PHKB: variants seen among roughly 807,000 people sequenced by gnomAD.
The protein encoded by PHKB is phosphorylase kinase regulatory subunit beta, also known as phosphorylase b kinase regulatory subunit beta.
PHKB carries 122 observed loss-of-function variants against 152.1 expected under a neutral mutation model. That is an observed-to-expected ratio of 0.80 (90% CI 0.69 to 0.93). The LOEUF (loss-of-function observed/expected upper bound fraction) is 0.93, where lower values mean the gene tolerates loss of function less well. Among genes scored for constraint, PHKB ranks in the 40% least tolerant of loss-of-function variants. PHKB has a pLI of 0.00. For missense variants in PHKB, 1,304 were observed against 1,328.4 expected (o/e 0.98, Z 0.29); for synonymous variants, 436 against 464.9 (o/e 0.94, Z 0.80).
At chr16:47,475,701 G>A (rs1325321123) in intron 1 of PHKB, among the ~76,000 whole-genome samples, 2 of 152,082 alleles carry the variant, frequency 1.3e-5, no homozygotes, top group Non-Finnish European at 2.9e-5. Context: ...TTAAAAATAT[G>A]TCGTATTTTT....
chr16:47,549,163 A>G (rs1281502737), intron 7 of PHKB, among the ~76,000 whole-genome samples: 2 of 152,242 alleles, frequency 1.3e-5, no homozygotes, highest in African/African-American at 4.8e-5. Flanking sequence ...CTAAAATTAA[A>G]TAGATGATGT....
intron 29 of PHKB, among the ~76,000 whole-genome samples, chr16:47,697,773 T>G (rs1254412584): frequency 6.6e-6 from 1 of 152,236 alleles, no homozygotes; most frequent in Admixed American, 6.5e-5. Context: ...TATTTTTGCT[T>G]ATAGGAATTT....
At chr16:47,610,182 T>TC (rs1972400866) in intron 13 of PHKB, among the ~76,000 whole-genome samples, 1 of 145,172 alleles carries the variant, frequency 6.9e-6, no homozygotes, top group Admixed American at 6.9e-5. Context: ...TTTTTTTTTT[T>TC]GTATTTTTAG....
chr16:47,629,516 A>G (rs1972781974), intron 14 of PHKB, among the ~76,000 whole-genome samples: 1 of 151,732 alleles, frequency 6.6e-6, no homozygotes, highest in South Asian at 2.1e-4. Context: ...TTAAAAAGTC[A>G]GGAAACAACA....
chr16:47,511,847 C>A, intron 5 of PHKB, 75 bp downstream of exon 5: 1 of 990,840 alleles, frequency 1.0e-6, no homozygotes, highest in Non-Finnish European at 1.6e-6. Context: ...TTTTTGGCAC[C>A]AGGGACTAGT....
At chr16:47,607,597 G>C (rs1972349629) in intron 13 of PHKB, among the ~76,000 whole-genome samples, 1 of 152,034 alleles carries the variant, frequency 6.6e-6, no homozygotes, top group Non-Finnish European at 1.5e-5. Context: ...ATGAACATTT[G>C]GGTTGTTTGC....
At chr16:47,697,884 C>G (rs2142112130) in intron 29 of PHKB, among the ~76,000 whole-genome samples, 1 of 152,292 alleles carries the variant, frequency 6.6e-6, no homozygotes, top group South Asian at 2.1e-4. Flanking sequence ...CCAAATAGGA[C>G]TTTTGTCACA....
chr16:47,599,754 A>G (rs576619269), intron 13 of PHKB, among the ~76,000 whole-genome samples: 1 of 152,338 alleles, frequency 6.6e-6, no homozygotes, highest in East Asian at 1.9e-4. Flanking sequence ...AACCACATAC[A>G]TATCTCCAGC....
intron 6 of PHKB, among the ~76,000 whole-genome samples, chr16:47,522,598 C>T (rs1297377933): frequency 6.8e-6 from 1 of 146,510 alleles, no homozygotes; most frequent in Non-Finnish European, 1.5e-5. Flanking sequence ...TCATTTTTCT[C>T]TTATTTTTTC....
intron 7 of PHKB, chr16:47,565,464 C>T: frequency 7.2e-7 from 1 of 1,397,112 alleles, no homozygotes. Context: ...TTCACTTCAC[C>T]CAAGCATTCT....
chr16:47,645,695 G>A (rs1266234825), intron 16 of PHKB, among the ~76,000 whole-genome samples: 6 of 151,666 alleles, frequency 4.0e-5, no homozygotes, highest in Admixed American at 6.6e-5. Context: ...TTGGCGATGC[G>A]GGCTCTTTCA....
At position 47,499,876 on chromosome 16, in the gene PHKB, C is replaced by A; in HGVS notation, c.287C>A (p.Ala96Asp). 1 of 1,614,118 alleles carries A rather than the reference C, an allele frequency of 6.2e-7. No homozygotes were observed. The change falls in exon 3 of 31, where the codon GCT becomes GAT. Residue 96 changes from alanine to aspartate, a missense_variant. Physicochemically the swap from Ala to Asp is moderately radical, Grantham distance 126. Coordinates refer to ENST00000323584, the MANE Select transcript of PHKB (RefSeq NM_000293.3). ...DSLYCAAGAWALALAYRRIDD... is the reference protein window; with the variant it reads ...DSLYCAAGAWDLALAYRRIDD... The stretch of plus-strand genomic sequence containing the variant: ...CTATACTGCGCTGCTGGGGCCTGGG[C>A]TTTGGCTCTTGCATACAGGTGAGCT...
intron 6 of PHKB, among the ~76,000 whole-genome samples, chr16:47,526,819 T>C (rs1970776830): frequency 6.6e-6 from 1 of 152,176 alleles, no homozygotes; most frequent in Non-Finnish European, 1.5e-5. Flanking sequence ...TATAAAGAAA[T>C]ACCTGAGACT....
intron 16 of PHKB, among the ~76,000 whole-genome samples, chr16:47,642,669 A>G (rs909283202): frequency 1.3e-5 from 2 of 152,170 alleles, no homozygotes; most frequent in Non-Finnish European, 2.9e-5. Flanking sequence ...TTACATGGGA[A>G]AATGCAGGAC....
intron 16 of PHKB, among the ~76,000 whole-genome samples, chr16:47,647,210 G>T (rs932471280): frequency 2.0e-5 from 3 of 152,066 alleles, no homozygotes; most frequent in African/African-American, 7.2e-5. Flanking sequence ...TGCAACCTCT[G>T]CTTCCTGGGT....
chr16:47,533,526 C>T (rs1970898762), intron 6 of PHKB, among the ~76,000 whole-genome samples: 1 of 152,192 alleles, frequency 6.6e-6, no homozygotes, highest in Non-Finnish European at 1.5e-5. Flanking sequence ...CTTAGGTGTT[C>T]ATCAATGCCC....
intron 4 of PHKB, among the ~76,000 whole-genome samples, chr16:47,506,217 TAA>T (rs1014777781): frequency 2.7e-5 from 4 of 149,054 alleles, no homozygotes; most frequent in African/African-American, 9.9e-5. Context: ...AAAAAAATAA[TAA>T]AAAGAGTGAT....
At chr16:47,625,449 C>G (rs75457345) in intron 14 of PHKB, among the ~76,000 whole-genome samples, 3,550 of 152,264 alleles carry the variant, frequency 0.023, 68 homozygotes, top group Middle Eastern at 0.044. Context: ...ACCCTTATCT[C>G]TTGTCACTCT....
chr16:47,598,783 C>A, intron 13 of PHKB: 1 of 1,584,592 alleles, frequency 6.3e-7, no homozygotes, highest in Non-Finnish European at 8.7e-7. Context: ...TAATTGACTG[C>A]CTTGAAGTTG....
Sources: allele counts gnomAD v4.1 joint callset (sites outside exome capture counted in the v4.1 genomes callset), GRCh38; gene constraint gnomAD v4.1.1; transcripts MANE v1.5; gene names NCBI Gene and HGNC (gene_info 2026-07-23, HGNC 2026-07-21).